Variants in OR2C1 observed in about 807,000 individuals in gnomAD.
OR2C1 encodes olfactory receptor 2C1.
For missense variants in OR2C1, 468 were observed against 388.3 expected (o/e 1.21, Z -1.73); for synonymous variants, 209 against 167.3 (o/e 1.25, Z -1.92).
chr16:3,356,273 G>A lies in OR2C1; in HGVS notation c.333G>A (p.Glu111=), dbSNP rs780377409. ...LYVFLWLGAT[E]CILLVVMAFD... is the part of the protein sequence containing the mutation. ...TCTTCCTTTGGCTGGGGGCCACCGA[G>A]TGCATCCTGCTGGTGGTGATGGCAT... Residue 111 remains glutamate, a synonymous_variant, in exon 1 of 1, where the codon GAG becomes GAA. Transcript: ENST00000304936. The A allele has an allele frequency of 9.9e-6, 16 of 1,613,776 alleles. No individual in the cohort carries two copies. In the Admixed American group the frequency reaches 2.7e-4, roughly 27 times the overall value.
At chr16:3,354,343 C>T (rs1174781716), upstream of OR2C1, among the ~76,000 whole-genome samples, 1 of 152,166 alleles carries the variant, frequency 6.6e-6, no homozygotes, top group Non-Finnish European at 1.5e-5. Flanking sequence ...TTATATACCT[C>T]AAAAGAGGGA....
the OR2C1 span, among the ~76,000 whole-genome samples, chr16:3,325,721 A>G: frequency 1.3e-5 from 2 of 151,518 alleles, no homozygotes; most frequent in Non-Finnish European, 2.9e-5. Flanking sequence ...ATATAGGTAG[A>G]TATCTTAAGT....
the OR2C1 span, among the ~76,000 whole-genome samples, chr16:3,325,504 T>TAC: frequency 5.5e-4 from 69 of 124,574 alleles, no homozygotes; most frequent in Non-Finnish European, 7.3e-4. Flanking sequence ...TATATATATA[T>TAC]ACACTTTAAA....
At chr16:3,326,514 A>G in the OR2C1 span, among the ~76,000 whole-genome samples, 8 of 152,226 alleles carry the variant, frequency 5.3e-5, no homozygotes, top group South Asian at 1.5e-3. Context: ...GAAGCTTTAC[A>G]CTTGGGGAGT....
At chr16:3,336,775 C>A in the OR2C1 span, among the ~76,000 whole-genome samples, 1 of 124,898 alleles carries the variant, frequency 8.0e-6, no homozygotes, top group South Asian at 2.8e-4. Context: ...GTGGCATGAT[C>A]TCTGCTCACT....
chr16:3,324,532 C>T, the OR2C1 span, among the ~76,000 whole-genome samples: 1 of 152,218 alleles, frequency 6.6e-6, no homozygotes, highest in Non-Finnish European at 1.5e-5. Context: ...TCAAAGTACT[C>T]ACTCTACTGA....
the OR2C1 span, among the ~76,000 whole-genome samples, chr16:3,325,050 C>G: frequency 4.6e-5 from 7 of 152,198 alleles, no homozygotes; most frequent in Admixed American, 1.3e-4. Context: ...GGCATGATCT[C>G]AGTTCCCTGC....
chr16:3,327,616 C>T, the OR2C1 span, among the ~76,000 whole-genome samples: 2 of 151,070 alleles, frequency 1.3e-5, no homozygotes. Flanking sequence ...ACTAGATGCC[C>T]GTGATGATCC....
chr16:3,332,100 T>G, the OR2C1 span, among the ~76,000 whole-genome samples: 1 of 133,136 alleles, frequency 7.5e-6, no homozygotes. Flanking sequence ...GGGGGAGGGA[T>G]AGCACTGGGA....
chr16:3,327,663 C>G, the OR2C1 span, among the ~76,000 whole-genome samples: 13 of 149,246 alleles, frequency 8.7e-5, no homozygotes. Context: ...ACTAAGTAAT[C>G]TACTCCTGCA....
the OR2C1 span, among the ~76,000 whole-genome samples, chr16:3,325,235 G>T: frequency 1.5e-3 from 223 of 152,052 alleles, 3 homozygotes; most frequent in African/African-American, 5.1e-3. Context: ...GCCACCCTCA[G>T]CCTCCCAATG....
At chr16:3,352,167 AGTGCAGTGGT>A (rs1380464659), upstream of OR2C1, among the ~76,000 whole-genome samples, 7 of 151,906 alleles carry the variant, frequency 4.6e-5, no homozygotes, top group Non-Finnish European at 1.5e-5. Flanking sequence ...CCCAGGCTGG[AGTGCAGTGGT>A]GCAATCTTGG....
At chr16:3,333,481 A>G in the OR2C1 span, among the ~76,000 whole-genome samples, 8 of 151,636 alleles carry the variant, frequency 5.3e-5, no homozygotes, top group Non-Finnish European at 7.4e-5. Flanking sequence ...TACTACAGGC[A>G]CCCACTACCG....
At chr16:3,347,927 A>G in the OR2C1 span, among the ~76,000 whole-genome samples, 1 of 152,196 alleles carries the variant, frequency 6.6e-6, no homozygotes, top group South Asian at 2.1e-4. Flanking sequence ...GTAGGTGGAA[A>G]TTAAAGGCAA....
chr16:3,345,434 G>A, the OR2C1 span, among the ~76,000 whole-genome samples: 14 of 151,338 alleles, frequency 9.3e-5, no homozygotes, highest in African/African-American at 2.7e-4. Flanking sequence ...TGCAGTGAAC[G>A]GAGATCGCAG....
the OR2C1 span, among the ~76,000 whole-genome samples, chr16:3,330,290 T>G: frequency 6.6e-6 from 1 of 151,568 alleles, no homozygotes; most frequent in African/African-American, 2.4e-5. Context: ...GTATTTTTTT[T>G]CTTTTTTAGT....
the OR2C1 span, among the ~76,000 whole-genome samples, chr16:3,336,708 C>CTTTTTTTTTT: frequency 2.1e-5 from 2 of 93,764 alleles, no homozygotes; most frequent in South Asian, 4.3e-4. Context: ...TTCTTTCTTT[C>CTTTTTTTTTT]TTTCTTTTTT....
upstream of OR2C1, among the ~76,000 whole-genome samples, chr16:3,351,197 G>GCCTTTTTTTTTTTTTT (rs1567284861): frequency 3.6e-5 from 2 of 55,434 alleles, 1 homozygote. Flanking sequence ...CTGAATTTAA[G>GCCTTTTTTTTTTTTTT]TCTTTTTTCT....
At chr16:3,355,025 AG>A (rs1215181328), upstream of OR2C1, among the ~76,000 whole-genome samples, 1 of 152,152 alleles carries the variant, frequency 6.6e-6, no homozygotes, top group Non-Finnish European at 1.5e-5. Context: ...TCTGAACTGA[AG>A]GGCTCTTCAG....
Sources: gnomAD v4.1 joint callset for allele counts (sites outside exome capture counted in the v4.1 genomes callset) on GRCh38, gnomAD v4.1.1 for gene constraint, MANE v1.5 for transcripts, NCBI Gene and HGNC (gene_info 2026-07-23, HGNC 2026-07-21) for gene names.